Variants in FAM169A observed in about 807,000 individuals in gnomAD.
The protein encoded by FAM169A is soluble lamin-associated protein of 75 kDa.
FAM169A carries 24 observed loss-of-function variants against 75.7 expected under a neutral mutation model. The observed-to-expected ratio is 0.32, with a 90% CI of 0.23 to 0.45. FAM169A has a LOEUF of 0.45. Ranked by LOEUF, FAM169A falls within the 20% of genes least tolerant of loss-of-function variation. The probability of loss-of-function intolerance (pLI) is 1.00; values close to 1 mark genes in which losing one functional copy is unlikely to be tolerated. For missense variants in FAM169A, 673 were observed against 784.0 expected, an observed-to-expected ratio of 0.86 and a Z score of 1.69; for synonymous variants, 271 against 271.0, an observed-to-expected ratio of 1.00 and a Z score of 0.00.
At chr5:74,821,195 T>C (rs6881400) in intron 5 of FAM169A, among the ~76,000 whole-genome samples, 22,404 of 152,184 alleles carry the variant, frequency 0.15, 1,900 homozygotes, top group African/African-American at 0.23. Context: ...GCTTATAAAA[T>C]ATCTATGACT....
At chr5:74,860,330 G>A (rs184118217) in intron 1 of FAM169A, among the ~76,000 whole-genome samples, 2 of 152,302 alleles carry the variant, frequency 1.3e-5, no homozygotes, top group Admixed American at 1.3e-4. Flanking sequence ...ATATGGTTTA[G>A]TACTTTATCT....
In FAM169A at chr5:74,781,461, C is replaced by T. The variant is rs760253599; in HGVS notation, c.2012G>A (p.Ter671=). The T allele has an allele frequency of 6.2e-7, 1 of 1,610,714 alleles. No individual in the cohort carries two copies. The highest frequency in any genetic ancestry group is 8.5e-7 in the Non-Finnish European group (1 of 1,178,026). ...GPAKKKAKLT[*] is the part of the protein sequence containing the mutation. ...TTTATCATCCACTTTCTTCTTCCTT[C>T]AGGTCAGCTTAGCTTTCTTCTTAGC... The change falls in exon 13 of 13, where the codon TGA becomes TAA. Residue 671 remains the stop codon, a stop_retained_variant. Coordinates refer to ENST00000687041, the MANE Select transcript of FAM169A (RefSeq NM_001376049.1).
At chr5:74,796,603 A>C (rs909840627) in intron 10 of FAM169A, among the ~76,000 whole-genome samples, 1 of 151,802 alleles carries the variant, frequency 6.6e-6, no homozygotes, top group Non-Finnish European at 1.5e-5. Context: ...ACAGGGTTTC[A>C]CCATGTTAGC....
chr5:74,824,799 G>A (rs944982035), intron 5 of FAM169A, among the ~76,000 whole-genome samples: 5 of 151,248 alleles, frequency 3.3e-5, no homozygotes, highest in Admixed American at 6.6e-5. Flanking sequence ...TGATATTTTC[G>A]GTATTTACTT....
chr5:74,805,707 A>G (rs528129671), intron 6 of FAM169A, among the ~76,000 whole-genome samples: 2 of 151,800 alleles, frequency 1.3e-5, no homozygotes, highest in African/African-American at 4.8e-5. Context: ...ATTTTTGTTA[A>G]AAAAGTGCTT....
chr5:74,856,050 A>C (rs2112729716), intron 1 of FAM169A, among the ~76,000 whole-genome samples: 1 of 152,272 alleles, frequency 6.6e-6, no homozygotes, highest in South Asian at 2.1e-4. Flanking sequence ...TCCTTTCCCC[A>C]GTGTATGTTC....
intron 1 of FAM169A, among the ~76,000 whole-genome samples, chr5:74,857,572 GAAAAAA>G (rs35476827): frequency 7.1e-5 from 4 of 56,310 alleles, no homozygotes; most frequent in East Asian, 1.1e-3. Flanking sequence ...CTTGCCGCGG[GAAAAAA>G]AAAAAAAAAA....
At chr5:74,799,372 T>A in intron 10 of FAM169A, 1 of 1,612,344 alleles carries the variant, frequency 6.2e-7, no homozygotes, top group South Asian at 1.1e-5. Context: ...TTACTTTGAG[T>A]CTGAAAATGA....
At chr5:74,827,611 C>A (rs935247835) in intron 5 of FAM169A, among the ~76,000 whole-genome samples, 6 of 149,380 alleles carry the variant, frequency 4.0e-5, no homozygotes, top group African/African-American at 1.2e-4. Flanking sequence ...AATTACTAAG[C>A]AAAATAAAAC....
intron 1 of FAM169A, among the ~76,000 whole-genome samples, chr5:74,848,378 A>G (rs62366458): frequency 0.24 from 35,743 of 152,088 alleles, 4,452 homozygotes; most frequent in African/African-American, 0.3. Context: ...TACCACTAGT[A>G]AGACTAGAGA....
At chr5:74,803,883 A>T (rs1163108104) in intron 8 of FAM169A, among the ~76,000 whole-genome samples, 1 of 152,198 alleles carries the variant, frequency 6.6e-6, no homozygotes, top group Non-Finnish European at 1.5e-5. Context: ...GTATGTTAAG[A>T]TAAGTAATTA....
intron 1 of FAM169A, among the ~76,000 whole-genome samples, chr5:74,849,844 T>G (rs377086404): frequency 1.3e-5 from 2 of 152,162 alleles, no homozygotes; most frequent in African/African-American, 4.8e-5. Flanking sequence ...TATGACAAAA[T>G]AACTGCTACA....
chr5:74,781,685 A>G lies in FAM169A; in HGVS notation c.1788T>C (p.Leu596=). 1 of 1,614,154 alleles carries G rather than the reference A, an allele frequency of 6.2e-7. No individual in the cohort carries two copies. Among genetic ancestry groups the G allele is most frequent in the South Asian group, 1.1e-5 (1 of 91,078 alleles). Residue 596 remains leucine, a synonymous_variant, in exon 13 of 13, where the codon CTT becomes CTC. Transcript: ENST00000687041. ...CATTCTGTGAAAATGGCACGTCTTC[A>G]AGTTCAACCTCTATCAAAGAACTCT... The part of the protein sequence containing the change: ...LPQSSLIEVE[L]EDVPFSQNAG...
At chr5:74,788,944 T>C (rs756262529) in intron 11 of FAM169A, among the ~76,000 whole-genome samples, 32 of 152,322 alleles carry the variant, frequency 2.1e-4, no homozygotes, top group Middle Eastern at 6.8e-3. Flanking sequence ...TGTGGTTTCA[T>C]TGCTTGAGGA....
chr5:74,835,982 A>G (rs944200979), intron 4 of FAM169A, among the ~76,000 whole-genome samples: 1 of 152,204 alleles, frequency 6.6e-6, no homozygotes, highest in Non-Finnish European at 1.5e-5. Flanking sequence ...CATGGTTATA[A>G]ATGAAGGAAA....
intron 1 of FAM169A, among the ~76,000 whole-genome samples, chr5:74,864,294 G>A (rs111782496): frequency 0.018 from 2,705 of 152,340 alleles, 72 homozygotes; most frequent in African/African-American, 0.057. Flanking sequence ...GCAAGGGCAC[G>A]ATCTCGGCTC....
intron 1 of FAM169A, among the ~76,000 whole-genome samples, chr5:74,862,147 G>C (rs989801098): frequency 6.6e-6 from 1 of 152,170 alleles, no homozygotes; most frequent in Non-Finnish European, 1.5e-5. Context: ...ATAAAAGCTC[G>C]TATCTTTTCT....
Position 74,838,995 on chromosome 5 carries a change from T to G in FAM169A, c.288A>C (p.Thr96=). 6.2e-7 allele frequency: 1 copy of G among 1,613,920 alleles called. No individual in the cohort carries two copies. The highest frequency in any genetic ancestry group is 2.2e-5 in the East Asian group (1 of 44,860). Residue 96 remains threonine (T), a synonymous_variant, in exon 4 of 13, where the codon ACA becomes ACC. Coordinates refer to ENST00000687041, the MANE Select transcript of FAM169A (RefSeq NM_001376049.1). ...TAAGCCCCTCTCTTGAAGGAACAGA[T>G]GTTTTCACAATATCATCAATAGCCC... ...QWWAIDDIVK[T]SVPSREGLKQ... is the part of the protein sequence containing the mutation.
Position 74,783,081 on chromosome 5 carries a change from G to T in FAM169A, c.1314C>A (p.Thr438=). Residue 438 remains threonine, a synonymous_variant, in exon 12 of 13, where the codon ACC becomes ACA. Coordinates refer to ENST00000687041, the MANE Select transcript of FAM169A (RefSeq NM_001376049.1). ...NGEIMDDSLK[T]SLITEEEDST... is the part of the protein sequence containing the mutation. ...AGTCTTCCTCTTCTGTTATAAGTGA[G>T]GTCTTAAGAGAATCGTCCATTATCT... 6.2e-7 allele frequency: 1 copy of T among 1,613,650 alleles called. No homozygotes were observed. The highest frequency in any genetic ancestry group is 1.3e-5 in the African/African-American group (1 of 75,010).
Sources: allele counts gnomAD v4.1 joint callset (sites outside exome capture counted in the v4.1 genomes callset), GRCh38; gene constraint gnomAD v4.1.1; transcripts MANE v1.5; gene names NCBI Gene and HGNC (gene_info 2026-07-23, HGNC 2026-07-21).